HMBOX1: variants seen among roughly 807,000 people sequenced by gnomAD.
The protein encoded by HMBOX1 is homeobox containing 1.
A neutral mutation model predicts 54.5 loss-of-function variants in HMBOX1; 14 were observed. That is an observed-to-expected ratio of 0.26 (90% CI 0.17 to 0.40). The LOEUF (loss-of-function observed/expected upper bound fraction) is 0.40. HMBOX1 is among the 10% of genes least tolerant of loss of function. The pLI, the probability that HMBOX1 is intolerant of heterozygous loss-of-function variation, is 1.00. For synonymous variants in HMBOX1, 160 were observed against 181.0 expected (o/e 0.88, Z 0.93); for missense variants, 332 against 514.4 (o/e 0.65, Z 3.43).
At chr8:28,998,957 C>A (rs545214470) in intron 4 of HMBOX1, among the ~76,000 whole-genome samples, 2 of 152,116 alleles carry the variant, frequency 1.3e-5, no homozygotes, top group Admixed American at 1.3e-4. Context: ...GTGTGCCCAT[C>A]AACTTAGATT....
At chr8:28,919,008 CAG>C (rs1419745378) in intron 1 of HMBOX1, among the ~76,000 whole-genome samples, 1 of 152,108 alleles carries the variant, frequency 6.6e-6, no homozygotes, top group Non-Finnish European at 1.5e-5. Flanking sequence ...AATTAGAAAA[CAG>C]GGAAGTTCTT....
chr8:28,911,798 C>T (rs1342617288), intron 1 of HMBOX1, among the ~76,000 whole-genome samples: 6 of 152,108 alleles, frequency 3.9e-5, no homozygotes, highest in African/African-American at 1.4e-4. Flanking sequence ...ATTTTGGTAT[C>T]TGCAGGGTTG....
At position 28,919,895 on chromosome 8, in the gene HMBOX1, T is replaced by C. The variant is rs892483948; in HGVS notation, c.-58+29217T>C. The stretch of plus-strand genomic sequence containing the variant: ...ATGAATACTCAAGAGATCAGTGTTA[T>C]AGCTTAATTTTAAAATGAAAGCCAT... On this transcript the variant is annotated intron_variant, in intron 1 of 9. Coordinates refer to ENST00000287701, the MANE Select transcript of HMBOX1 (RefSeq NM_001135726.3). Among the ~76,000 whole-genome samples, 7 of 152,208 alleles carry C rather than the reference T, an allele frequency of 4.6e-5. No individual in the cohort carries two copies. In the East Asian group the frequency reaches 1.2e-3, roughly 25 times the overall value.
At chr8:28,985,937 G>A (rs1830098659) in intron 4 of HMBOX1, among the ~76,000 whole-genome samples, 1 of 149,694 alleles carries the variant, frequency 6.7e-6, no homozygotes. Context: ...ACACTGACAC[G>A]TCATTGTCAC....
At chr8:28,937,488 T>C (rs777107995) in intron 1 of HMBOX1, among the ~76,000 whole-genome samples, 2 of 152,206 alleles carry the variant, frequency 1.3e-5, no homozygotes, top group Non-Finnish European at 2.9e-5. Flanking sequence ...AAAAAAGTCC[T>C]TTTTGTTTAT....
chr8:28,921,816 C>T (rs1817614307), intron 1 of HMBOX1, among the ~76,000 whole-genome samples: 1 of 152,204 alleles, frequency 6.6e-6, no homozygotes, highest in African/African-American at 2.4e-5. Flanking sequence ...AAAGCTCTAT[C>T]ACTTGAGTAG....
intron 1 of HMBOX1, among the ~76,000 whole-genome samples, chr8:28,931,875 A>C (rs1819532259): frequency 6.6e-6 from 1 of 152,178 alleles, no homozygotes; most frequent in Non-Finnish European, 1.5e-5. Context: ...ATTACTAGGA[A>C]AACAAGCACC....
At chr8:28,935,015 AT>A (rs1412995095) in intron 1 of HMBOX1, among the ~76,000 whole-genome samples, 1 of 152,216 alleles carries the variant, frequency 6.6e-6, no homozygotes, top group Non-Finnish European at 1.5e-5. Flanking sequence ...GCACAATAAC[AT>A]TGCCACTTAT....
intron 4 of HMBOX1, among the ~76,000 whole-genome samples, chr8:28,989,877 C>G (rs978851588): frequency 6.6e-6 from 1 of 152,034 alleles, no homozygotes; most frequent in African/African-American, 2.4e-5. Context: ...TTTTTATTTT[C>G]TCTCAACCAT....
intron 2 of HMBOX1, among the ~76,000 whole-genome samples, chr8:28,969,795 A>G (rs1013458957): frequency 6.6e-6 from 1 of 152,192 alleles, no homozygotes; most frequent in African/African-American, 2.4e-5. Flanking sequence ...ATTTACCAAA[A>G]TTGAGGAAAA....
intron 4 of HMBOX1, among the ~76,000 whole-genome samples, chr8:28,990,426 T>G (rs1830814319): frequency 6.6e-6 from 1 of 152,216 alleles, no homozygotes; most frequent in Non-Finnish European, 1.5e-5. Context: ...TTTTTCTGCA[T>G]CTGTTGAGAT....
At chr8:28,973,510 G>A (rs571180190) in intron 3 of HMBOX1, among the ~76,000 whole-genome samples, 2 of 152,274 alleles carry the variant, frequency 1.3e-5, no homozygotes, top group African/African-American at 4.8e-5. Context: ...TTAGTGGAAT[G>A]TTAGAGAAAT....
At chr8:29,047,210 C>T (rs2133374342) in intron 7 of HMBOX1, 148 bp from the exon 8 acceptor site, 3 of 600,316 alleles carry the variant, frequency 5.0e-6, no homozygotes, top group South Asian at 1.8e-5. Context: ...TACATGGTAC[C>T]AGGTAATACT....
intron 1 of HMBOX1, among the ~76,000 whole-genome samples, chr8:28,914,416 C>T (rs1211514752): frequency 6.6e-6 from 1 of 152,100 alleles, no homozygotes; most frequent in Non-Finnish European, 1.5e-5. Flanking sequence ...TAAAGAATGG[C>T]CAGTGGGAAA....
At chr8:28,986,024 TGTA>T (rs929907566) in intron 4 of HMBOX1, among the ~76,000 whole-genome samples, 3 of 152,196 alleles carry the variant, frequency 2.0e-5, no homozygotes, top group African/African-American at 7.2e-5. Flanking sequence ...TATCCACCAT[TGTA>T]GTATCACACA....
Position 29,051,486 on chromosome 8 carries a change from C to T in HMBOX1, c.*331C>T, listed in dbSNP as rs926690685. The T allele has an allele frequency of 3.0e-5, 21 of 700,426 alleles. No individual in the cohort carries two copies. Among genetic ancestry groups the T allele is most frequent in the East Asian group, 5.4e-5 (2 of 37,204 alleles). 43.4% of individuals were successfully genotyped at this position (700,426 alleles called of 1,614,324 possible). On this transcript the variant is annotated 3_prime_UTR_variant, in exon 10 of 10. Coordinates refer to ENST00000287701, the MANE Select transcript of HMBOX1 (RefSeq NM_001135726.3). ...CCCTCAGTTCTCAAATATTAGACTA[C>T]GTGTAAAATCTTGGGTACCTTTAGA...
At chr8:28,928,084 G>A (rs559241946) in intron 1 of HMBOX1, among the ~76,000 whole-genome samples, 2 of 150,364 alleles carry the variant, frequency 1.3e-5, no homozygotes, top group South Asian at 2.1e-4. Context: ...GCAGTGAGCC[G>A]AGATCACACC....
intron 6 of HMBOX1, among the ~76,000 whole-genome samples, chr8:29,025,883 A>T (rs2133098919): frequency 6.6e-6 from 1 of 151,870 alleles, no homozygotes; most frequent in East Asian, 1.9e-4. Context: ...TTTCTGGTTT[A>T]TTTTTTCCCA....
Position 29,047,370 on chromosome 8 carries a change from C to G in HMBOX1, c.947C>G (p.Ser316Ter). Reference sequence around the variant, plus strand: ...CATGTATTCACAGGCAAAAAGCTGTCAGATCTGGAAAGAGTTACCTCCCTG... The same window carrying G: ...CATGTATTCACAGGCAAAAAGCTGTGAGATCTGGAAAGAGTTACCTCCCTG... ...AVIQKPGKKL[S>*]DLERVTSLKV... Residue 316 changes from serine (S) to a stop codon, truncating the protein, a stop_gained, in exon 8 of 10, where the codon TCA becomes TGA. Transcript: ENST00000287701. LOFTEE classifies it high-confidence loss of function. 1 of 1,603,800 alleles carries G rather than the reference C, an allele frequency of 6.2e-7. No homozygotes were observed. Among genetic ancestry groups the G allele is most frequent in the Non-Finnish European group, 8.5e-7 (1 of 1,170,876 alleles).
Sources: allele counts gnomAD v4.1 joint callset (sites outside exome capture counted in the v4.1 genomes callset), GRCh38; gene constraint gnomAD v4.1.1; transcripts MANE v1.5; gene names NCBI Gene and HGNC (gene_info 2026-07-23, HGNC 2026-07-21).